DSCAM: variants seen among roughly 807,000 people sequenced by gnomAD.
DSCAM encodes the protein cell adhesion molecule DSCAM.
Under a neutral mutation model 217.7 loss-of-function variants are expected in DSCAM, and 47 were observed. That is an observed-to-expected ratio of 0.22 (90% CI 0.17 to 0.28). The LOEUF (loss-of-function observed/expected upper bound fraction) is 0.28, where lower values mean the gene tolerates loss of function less well. DSCAM is among the 10% of genes least tolerant of loss of function. DSCAM has a pLI of 1.00. For synonymous variants in DSCAM, 1,056 were observed against 1,015.3 expected (o/e 1.04, Z -0.76); for missense variants, 2,080 against 2,618.3 (o/e 0.79, Z 4.49).
intron 3 of DSCAM, among the ~76,000 whole-genome samples, chr21:40,598,833 T>G (rs1202429858): frequency 6.6e-6 from 1 of 152,194 alleles, no homozygotes; most frequent in Non-Finnish European, 1.5e-5. Flanking sequence ...CTCTGCCGTC[T>G]CTGTTACTCC....
At chr21:40,387,711 AG>A (rs1396198764) in intron 3 of DSCAM, among the ~76,000 whole-genome samples, 1 of 152,234 alleles carries the variant, frequency 6.6e-6, no homozygotes, top group Non-Finnish European at 1.5e-5. Flanking sequence ...GAAGCAATAG[AG>A]GCCTCAGACA....
At chr21:40,313,169 TTC>T (rs950787997) in intron 8 of DSCAM, among the ~76,000 whole-genome samples, 16 of 151,210 alleles carry the variant, frequency 1.1e-4, no homozygotes, top group African/African-American at 3.4e-4. Context: ...ATTGTTAAAG[TTC>T]TCTGTTATGT....
intron 3 of DSCAM, among the ~76,000 whole-genome samples, chr21:40,531,687 T>C (rs762899934): frequency 8.5e-5 from 13 of 152,218 alleles, no homozygotes; most frequent in Non-Finnish European, 1.0e-4. Context: ...CCTGAGTGGT[T>C]GCATCACAGG....
intron 3 of DSCAM, among the ~76,000 whole-genome samples, chr21:40,526,096 G>A (rs531455911): frequency 6.6e-6 from 1 of 152,218 alleles, no homozygotes; most frequent in African/African-American, 2.4e-5. Context: ...GCCTGCCTCT[G>A]AAAGAAGTTC....
At chr21:40,525,101 T>C (rs2076390600) in intron 3 of DSCAM, among the ~76,000 whole-genome samples, 1 of 151,898 alleles carries the variant, frequency 6.6e-6, no homozygotes, top group Non-Finnish European at 1.5e-5. Flanking sequence ...ACCAGTGATA[T>C]GCTAGAAAGA....
intron 10 of DSCAM, among the ~76,000 whole-genome samples, chr21:40,282,185 G>A (rs2073769364): frequency 6.6e-6 from 1 of 152,098 alleles, no homozygotes; most frequent in Non-Finnish European, 1.5e-5. Context: ...ATCAGTAAAG[G>A]CTATTAATGT....
chr21:40,046,896 C>A (rs890870801), intron 30 of DSCAM, among the ~76,000 whole-genome samples: 4 of 151,860 alleles, frequency 2.6e-5, no homozygotes, highest in African/African-American at 9.7e-5. Flanking sequence ...GGGCAAAGAT[C>A]TTCACTGTCA....
intron 32 of DSCAM, among the ~76,000 whole-genome samples, chr21:40,020,955 A>AGGTG (rs1299874738): frequency 1.3e-5 from 2 of 152,142 alleles, no homozygotes; most frequent in African/African-American, 4.8e-5. Context: ...GGGATGGAGA[A>AGGTG]GGTGGAGATG....
chr21:40,031,931 T>A (rs1461530921), intron 32 of DSCAM, among the ~76,000 whole-genome samples: 1 of 152,208 alleles, frequency 6.6e-6, no homozygotes, highest in African/African-American at 2.4e-5. Flanking sequence ...CAGCCTTGTC[T>A]TCCTTGCCTT....
chr21:40,186,351 C>T (rs66470706), intron 14 of DSCAM, among the ~76,000 whole-genome samples: 49,103 of 152,056 alleles, frequency 0.32, 8,385 homozygotes, highest in African/African-American at 0.44. Flanking sequence ...GCTGCTTTTG[C>T]GGCCTAGAAG....
At chr21:40,171,479 T>A (rs925667744) in intron 15 of DSCAM, among the ~76,000 whole-genome samples, 19 of 152,112 alleles carry the variant, frequency 1.2e-4, no homozygotes, top group Non-Finnish European at 2.8e-4. Flanking sequence ...ACAGCTTTAT[T>A]ACTTAGCCTA....
At chr21:40,782,279 T>C (rs2091553960) in intron 1 of DSCAM, among the ~76,000 whole-genome samples, 1 of 152,218 alleles carries the variant, frequency 6.6e-6, no homozygotes, top group Non-Finnish European at 1.5e-5. Flanking sequence ...AACTATTTCC[T>C]AACCAACTGA....
Position 40,136,945 on chromosome 21 carries a change from C to T in DSCAM, c.3407-2936G>A, listed in dbSNP as rs371293392. Reference sequence around the variant, plus strand: ...ATCCCAGCACTTCGGGAGGCCAAGGCGGGTGGATCACGAGGTCAAGACATC... The same window carrying T: ...ATCCCAGCACTTCGGGAGGCCAAGGTGGGTGGATCACGAGGTCAAGACATC... On this transcript the variant is annotated intron_variant, in intron 18 of 32. Transcript: ENST00000400454. Among the ~76,000 whole-genome samples the T allele has an allele frequency of 2.0e-4, 30 of 152,100 alleles. No individual in the cohort carries two copies. The East Asian group carries it at 3.1e-3, about 16-fold the overall frequency.
At chr21:40,335,062 T>C (rs937931879) in intron 8 of DSCAM, among the ~76,000 whole-genome samples, 3 of 152,098 alleles carry the variant, frequency 2.0e-5, no homozygotes, top group Non-Finnish European at 2.9e-5. Context: ...CTAGACACCG[T>C]GGTTGTATCT....
chr21:40,105,779 G>C (rs1233132486), intron 20 of DSCAM, among the ~76,000 whole-genome samples: 2 of 152,070 alleles, frequency 1.3e-5, no homozygotes, highest in Non-Finnish European at 1.5e-5. Flanking sequence ...CTTTCTTAAA[G>C]AATAGAAGTC....
In DSCAM at chr21:40,012,904, TCTC is replaced by T; in HGVS notation, c.*127_*129del. The T allele has an allele frequency of 1.5e-6, 1 of 655,082 alleles. No homozygotes were observed. The highest frequency in any genetic ancestry group is 2.1e-6 in the Non-Finnish European group (1 of 467,728). The allele number at this position is 655,082 out of a possible 1,614,324, so 40.6% of individuals were successfully genotyped here. On this transcript the variant is annotated 3_prime_UTR_variant, in exon 33 of 33. Coordinates refer to ENST00000400454, the MANE Select transcript of DSCAM (RefSeq NM_001389.5). ...TGCACTGTCTGTGGTTTCAGTATTT[TCTC>T]TTTTTTTTTTTTAATATATTTTGGC...
At chr21:40,789,346 G>C (rs375894519) in intron 1 of DSCAM, among the ~76,000 whole-genome samples, 51 of 152,090 alleles carry the variant, frequency 3.4e-4, no homozygotes, top group African/African-American at 1.2e-3. Flanking sequence ...GACGGCCATG[G>C]AATAATTTTC....
chr21:40,573,849 C>T (rs1176436719), intron 3 of DSCAM, among the ~76,000 whole-genome samples: 1 of 152,052 alleles, frequency 6.6e-6, no homozygotes, highest in East Asian at 1.9e-4. Context: ...ATATCATAAA[C>T]AACTTTATGC....
At chr21:40,370,825 T>C (rs1050328980) in intron 3 of DSCAM, among the ~76,000 whole-genome samples, 2 of 152,144 alleles carry the variant, frequency 1.3e-5, no homozygotes, top group Non-Finnish European at 2.9e-5. Flanking sequence ...TCTCACCATG[T>C]TGCCCAGGCT....
Sources: allele counts gnomAD v4.1 joint callset (sites outside exome capture counted in the v4.1 genomes callset), GRCh38; gene constraint gnomAD v4.1.1; transcripts MANE v1.5; gene names NCBI Gene and HGNC (gene_info 2026-07-23, HGNC 2026-07-21).